Variants in DCUN1D4 observed in about 807,000 individuals in gnomAD.
The protein encoded by DCUN1D4 is DCN1-like protein 4.
DCUN1D4 carries 22 observed loss-of-function variants against 47.9 expected under a neutral mutation model. The observed-to-expected ratio is 0.46, with a 90% confidence interval of 0.33 to 0.66. The LOEUF is 0.66. DCUN1D4 is among the 30% of genes least tolerant of loss of function. DCUN1D4 has a pLI of 0.02. For synonymous variants in DCUN1D4, 121 were observed against 112.2 expected, an observed-to-expected ratio of 1.08 and a Z score of -0.50; for missense variants, 301 against 340.8, an observed-to-expected ratio of 0.88 and a Z score of 0.92.
At position 51,913,926 on chromosome 4, in the gene DCUN1D4, T is replaced by C. The variant is rs967889033; in HGVS notation, c.*342T>C. 2.0e-5 allele frequency: 4 copies of C among 204,478 alleles called. No homozygotes were observed. In the Admixed American group the frequency reaches 2.3e-4, roughly 12 times the overall value. The allele number at this position is 204,478 out of a possible 1,614,324, so 12.7% of individuals were successfully genotyped here. On this transcript the variant is annotated 3_prime_UTR_variant, in exon 11 of 11. Coordinates refer to ENST00000334635, the MANE Select transcript of DCUN1D4 (RefSeq NM_001040402.3). ...CTGAAAAATGTATTGTAAAAATAAT[T>C]TTGTGGCATTTCTAGTCCCTTTTTT...
At chr4:51,906,267 G>A (rs1407326164) in intron 8 of DCUN1D4, among the ~76,000 whole-genome samples, 2 of 152,116 alleles carry the variant, frequency 1.3e-5, no homozygotes, top group Non-Finnish European at 2.9e-5. Flanking sequence ...GAAGCTGTAA[G>A]CAGCCACACA....
chr4:51,867,912 C>G (rs1726224779), intron 3 of DCUN1D4, among the ~76,000 whole-genome samples: 1 of 152,252 alleles, frequency 6.6e-6, no homozygotes, highest in Non-Finnish European at 1.5e-5. Flanking sequence ...GTTGTTCGTG[C>G]CAAGGGGCAC....
chr4:51,877,892 T>C (rs758724192), intron 5 of DCUN1D4, 38 bp downstream of exon 5: 32 of 1,382,280 alleles, frequency 2.3e-5, no homozygotes, highest in Non-Finnish European at 3.1e-5. Flanking sequence ...CTGATCCTTA[T>C]GACAATAAGG....
chr4:51,855,135 T>G (rs1018523580), intron 1 of DCUN1D4, among the ~76,000 whole-genome samples: 2 of 152,160 alleles, frequency 1.3e-5, no homozygotes, highest in African/African-American at 4.8e-5. Flanking sequence ...TAATATAATG[T>G]CAGGATCATG....
At chr4:51,843,423 G>C in intron 1 of DCUN1D4, 156 bp downstream of exon 1, 1 of 1,271,774 alleles carries the variant, frequency 7.9e-7, no homozygotes, top group South Asian at 2.1e-5. Context: ...CGGGGCGGGC[G>C]GTGACGCTGC....
At chr4:51,904,820 T>A (rs1732634048) in intron 8 of DCUN1D4, among the ~76,000 whole-genome samples, 1 of 152,186 alleles carries the variant, frequency 6.6e-6, no homozygotes, top group African/African-American at 2.4e-5. Context: ...TGTTTTTTCC[T>A]ACTAGAAAAG....
chr4:51,843,413 C>A, intron 1 of DCUN1D4, 146 bp downstream of exon 1: 1 of 1,254,008 alleles, frequency 8.0e-7, no homozygotes, highest in Non-Finnish European at 1.0e-6. Context: ...CTCCCGGGGC[C>A]GGGGCGGGCG....
At chr4:51,866,385 TGATG>T (rs1162003284) in intron 3 of DCUN1D4, among the ~76,000 whole-genome samples, 1 of 120,148 alleles carries the variant, frequency 8.3e-6, no homozygotes, top group African/African-American at 4.7e-5. Context: ...ATGGTGATGA[TGATG>T]ATGATGATGA....
chr4:51,899,706 CCTT>C (rs1388975543), intron 8 of DCUN1D4, among the ~76,000 whole-genome samples: 2 of 152,272 alleles, frequency 1.3e-5, no homozygotes, highest in Admixed American at 6.5e-5. Context: ...GAACAACAAA[CCTT>C]CTCCTGTTGA....
chr4:51,849,987 T>A (rs528466061), intron 1 of DCUN1D4, among the ~76,000 whole-genome samples: 1 of 152,306 alleles, frequency 6.6e-6, no homozygotes, highest in Non-Finnish European at 1.5e-5. Flanking sequence ...ATTTTAAGTG[T>A]TGTTGGGTGA....
chr4:51,844,482 G>C (rs1722177895), intron 1 of DCUN1D4: 1 of 891,526 alleles, frequency 1.1e-6, no homozygotes, highest in Non-Finnish European at 1.3e-6. Flanking sequence ...GCGGGAGCCG[G>C]AGGGGTCGGG....
intron 1 of DCUN1D4, among the ~76,000 whole-genome samples, chr4:51,849,081 C>T (rs1479862837): frequency 6.6e-6 from 1 of 152,168 alleles, no homozygotes; most frequent in African/African-American, 2.4e-5. Context: ...TCTTAGGCCT[C>T]CTCCATATTA....
chr4:51,894,126 C>T (rs1730868279), intron 7 of DCUN1D4, among the ~76,000 whole-genome samples: 2 of 152,146 alleles, frequency 1.3e-5, no homozygotes, highest in Non-Finnish European at 2.9e-5. Flanking sequence ...GCCACTTGAT[C>T]CTTGCAATTC....
chr4:51,845,226 T>G, intron 1 of DCUN1D4: 1 of 985,426 alleles, frequency 1.0e-6, no homozygotes, highest in Non-Finnish European at 1.2e-6. Context: ...CTTGCATAAA[T>G]ATGAGAACAC....
At chr4:51,854,392 T>C (rs1462917311) in intron 1 of DCUN1D4, among the ~76,000 whole-genome samples, 1 of 152,230 alleles carries the variant, frequency 6.6e-6, no homozygotes, top group Non-Finnish European at 1.5e-5. Context: ...TAAAAACATA[T>C]GTACTATGAT....
chr4:51,834,042 T>TTCTCTCTC, the DCUN1D4 span, among the ~76,000 whole-genome samples: 35 of 51,906 alleles, frequency 6.7e-4, no homozygotes, highest in East Asian at 1.0e-3. Context: ...TTAGGAGTCT[T>TTCTCTCTC]TCTCTCTCTC....
chr4:51,843,454 G>A, intron 1 of DCUN1D4, 187 bp downstream of exon 1: 3 of 1,237,012 alleles, frequency 2.4e-6, no homozygotes, highest in Non-Finnish European at 3.1e-6. Context: ...GGGCGGGGGC[G>A]GGCGTGGGGG....
intron 6 of DCUN1D4, among the ~76,000 whole-genome samples, chr4:51,888,666 C>T (rs1257482647): frequency 6.8e-6 from 1 of 146,534 alleles, no homozygotes; most frequent in East Asian, 2.0e-4. Flanking sequence ...TTGCAGTGAG[C>T]AGAGCCGACA....
chr4:51,909,077 A>G (rs1578057692), intron 8 of DCUN1D4: 1 of 446,744 alleles, frequency 2.2e-6, no homozygotes, highest in African/African-American at 2.0e-5. Flanking sequence ...CTTCATGATC[A>G]TCAGTTTGTC....
Sources: gnomAD v4.1 joint callset for allele counts (sites outside exome capture counted in the v4.1 genomes callset) on GRCh38, gnomAD v4.1.1 for gene constraint, MANE v1.5 for transcripts, NCBI Gene and HGNC (gene_info 2026-07-23, HGNC 2026-07-21) for gene names.